Variants in CTNNA3 observed in about 807,000 individuals in gnomAD.
CTNNA3 encodes the protein catenin alpha 3, also known as catenin alpha-3.
CTNNA3 carries 76 observed loss-of-function variants against 95.7 expected under a neutral mutation model. That is an observed-to-expected ratio of 0.79 (90% CI 0.66 to 0.96). The LOEUF is 0.96. CTNNA3 is among the 40% of genes least tolerant of loss of function. CTNNA3 has a pLI of 0.00. For missense variants in CTNNA3, 1,191 were observed against 1,089.8 expected, an observed-to-expected ratio of 1.09 and a Z score of -1.31; for synonymous variants, 431 against 374.4, an observed-to-expected ratio of 1.15 and a Z score of -1.74.
At chr10:66,931,674 A>G (rs1847401971) in intron 7 of CTNNA3, among the ~76,000 whole-genome samples, 1 of 151,794 alleles carries the variant, frequency 6.6e-6, no homozygotes, top group South Asian at 2.1e-4. Flanking sequence ...ATTTTATTTA[A>G]TTCATTTCCT....
chr10:66,112,142 T>A (rs532872363), intron 13 of CTNNA3, among the ~76,000 whole-genome samples: 2 of 152,118 alleles, frequency 1.3e-5, no homozygotes, highest in Non-Finnish European at 2.9e-5. Flanking sequence ...TCACATCAAT[T>A]CAAAATAGGG....
At chr10:67,724,998 CTTG>C (rs1435943783) in intron 1 of CTNNA3, among the ~76,000 whole-genome samples, 2 of 151,892 alleles carry the variant, frequency 1.3e-5, no homozygotes, top group Non-Finnish European at 1.5e-5. Flanking sequence ...CAAAAATATT[CTTG>C]TTAAAATTTT....
At chr10:67,455,478 G>T (rs151027866) in intron 5 of CTNNA3, among the ~76,000 whole-genome samples, 1 of 152,254 alleles carries the variant, frequency 6.6e-6, no homozygotes, top group African/African-American at 2.4e-5. Context: ...CCAAACAGGA[G>T]AGTAGGAAGG....
chr10:67,288,791 T>C (rs1839707231), intron 5 of CTNNA3, among the ~76,000 whole-genome samples: 2 of 152,146 alleles, frequency 1.3e-5, no homozygotes, highest in African/African-American at 4.8e-5. Context: ...CCTCTGTCTG[T>C]CACCCATAAA....
chr10:66,579,026 A>T (rs1589445784), intron 10 of CTNNA3, among the ~76,000 whole-genome samples: 1 of 145,750 alleles, frequency 6.9e-6, no homozygotes, highest in Non-Finnish European at 1.5e-5. Context: ...AGAACTGATT[A>T]TTGGTCTGTT....
chr10:67,087,168 C>T (rs1857354771), intron 7 of CTNNA3, among the ~76,000 whole-genome samples: 1 of 152,010 alleles, frequency 6.6e-6, no homozygotes, highest in African/African-American at 2.4e-5. Flanking sequence ...AATGAACACA[C>T]TTTGGGGCAT....
At chr10:65,989,076 G>A (rs1484964666) in intron 15 of CTNNA3, among the ~76,000 whole-genome samples, 2 of 152,106 alleles carry the variant, frequency 1.3e-5, no homozygotes, top group East Asian at 1.9e-4. Context: ...GAAGAGCTGG[G>A]ACTGCAGGCG....
chr10:66,033,407 T>A (rs896489693), intron 15 of CTNNA3, among the ~76,000 whole-genome samples: 1 of 152,166 alleles, frequency 6.6e-6, no homozygotes, highest in Non-Finnish European at 1.5e-5. Flanking sequence ...AGTGCTGGGA[T>A]TACAGGCGTG....
In CTNNA3 at chr10:65,920,078, T is replaced by A. The variant is rs568163456; in HGVS notation, c.*252A>T. ...AGATAATCTCTATGATGGGAAACGC[T>A]GAATGACACGTGATAATTTCATTCA... On this transcript the variant is annotated 3_prime_UTR_variant, in exon 18 of 18. Coordinates refer to ENST00000433211, the MANE Select transcript of CTNNA3 (RefSeq NM_013266.4). The A allele has an allele frequency of 2.0e-6, 1 of 503,896 alleles. No homozygotes were observed. Among genetic ancestry groups the A allele is most frequent in the Non-Finnish European group, 3.5e-6 (1 of 282,462 alleles). The allele number at this position is 503,896 out of a possible 1,614,324, so 31.2% of individuals were successfully genotyped here.
At chr10:67,394,577 G>A (rs1411449968) in intron 5 of CTNNA3, among the ~76,000 whole-genome samples, 1 of 152,046 alleles carries the variant, frequency 6.6e-6, no homozygotes, top group African/African-American at 2.4e-5. Context: ...TTCTGATCCA[G>A]TATGACCCAG....
chr10:66,079,736 T>G (rs1490400013), intron 14 of CTNNA3, among the ~76,000 whole-genome samples: 1 of 151,966 alleles, frequency 6.6e-6, no homozygotes, highest in East Asian at 1.9e-4. Context: ...AGACTAATGA[T>G]CCATATAAAT....
chr10:66,627,648 G>C (rs933897238), intron 9 of CTNNA3, among the ~76,000 whole-genome samples: 5 of 152,088 alleles, frequency 3.3e-5, no homozygotes, highest in African/African-American at 1.2e-4. Context: ...TTCTGTGAAA[G>C]GCAACTTCTC....
At chr10:66,676,909 G>A (rs1299908533) in intron 9 of CTNNA3, among the ~76,000 whole-genome samples, 1 of 152,078 alleles carries the variant, frequency 6.6e-6, no homozygotes. Flanking sequence ...CAGAGCAGGT[G>A]AATCTCCCTC....
intron 7 of CTNNA3, among the ~76,000 whole-genome samples, chr10:67,142,967 A>C (rs1164108824): frequency 6.6e-6 from 1 of 152,074 alleles, no homozygotes; most frequent in Admixed American, 6.5e-5. Flanking sequence ...AATGCTAAAA[A>C]TCATCTGAGC....
chr10:67,240,591 T>C (rs930287842), intron 5 of CTNNA3, among the ~76,000 whole-genome samples: 3 of 152,162 alleles, frequency 2.0e-5, no homozygotes, highest in African/African-American at 4.8e-5. Context: ...TGTCATTTCA[T>C]AGAAATAGGA....
chr10:67,742,021 C>T (rs1289856967), intron 1 of CTNNA3, among the ~76,000 whole-genome samples: 2 of 151,072 alleles, frequency 1.3e-5, no homozygotes, highest in Non-Finnish European at 3.0e-5. Flanking sequence ...TCCTTAGAGA[C>T]CTACAAAGAG....
chr10:66,876,041 C>T (rs1048429835), intron 7 of CTNNA3, among the ~76,000 whole-genome samples: 1 of 152,108 alleles, frequency 6.6e-6, no homozygotes, highest in Non-Finnish European at 1.5e-5. Flanking sequence ...CCCTCAGTCT[C>T]TTAAGGGAGT....
intron 9 of CTNNA3, among the ~76,000 whole-genome samples, chr10:66,743,513 A>G (rs1396892711): frequency 3.9e-5 from 6 of 152,182 alleles, no homozygotes; most frequent in African/African-American, 9.7e-5. Flanking sequence ...GGGAGATACT[A>G]GAGTATATTC....
chr10:66,320,730 T>C (rs1025175285), intron 12 of CTNNA3, among the ~76,000 whole-genome samples: 1 of 152,126 alleles, frequency 6.6e-6, no homozygotes, highest in Non-Finnish European at 1.5e-5. Flanking sequence ...AAAATACTTT[T>C]GACCTAGTAA....
Sources: gnomAD v4.1 joint callset for allele counts (sites outside exome capture counted in the v4.1 genomes callset) on GRCh38, gnomAD v4.1.1 for gene constraint, MANE v1.5 for transcripts, NCBI Gene and HGNC (gene_info 2026-07-23, HGNC 2026-07-21) for gene names.